Variants in CFAP54 observed in about 807,000 individuals in gnomAD.
CFAP54 encodes cilia and flagella associated protein 54, also known as cilia- and flagella-associated protein 54.
Under a neutral mutation model 370.4 loss-of-function variants are expected in CFAP54, and 290 were observed. That is an observed-to-expected ratio of 0.78 (90% confidence interval 0.71 to 0.86). The LOEUF is 0.86. Ranked by LOEUF, CFAP54 falls within the 40% of genes least tolerant of loss-of-function variation. The probability of loss-of-function intolerance (pLI) is 0.00; values close to 1 mark genes in which losing one functional copy is unlikely to be tolerated. For synonymous variants in CFAP54, 1,206 were observed against 1,236.5 expected (o/e 0.98, Z 0.52); for missense variants, 3,399 against 3,528.7 (o/e 0.96, Z 0.93).
At chr12:96,562,144 A>G (rs1350973030) in intron 17 of CFAP54, among the ~76,000 whole-genome samples, 3 of 151,940 alleles carry the variant, frequency 2.0e-5, no homozygotes, top group African/African-American at 7.3e-5. Flanking sequence ...CACCTTCTCC[A>G]TTTTTGTATT....
intron 19 of CFAP54, among the ~76,000 whole-genome samples, chr12:96,571,755 CT>C (rs59663930): frequency 0.32 from 49,058 of 151,798 alleles, 8,092 homozygotes; most frequent in South Asian, 0.39. Flanking sequence ...TGTTACTTCC[CT>C]TTTTTCTAGT....
chr12:96,675,635 A>ATAGC (rs1957197071), intron 39 of CFAP54, among the ~76,000 whole-genome samples: 1 of 152,224 alleles, frequency 6.6e-6, no homozygotes, highest in African/African-American at 2.4e-5. Flanking sequence ...AGACACATGC[A>ATAGC]TAAGTATGTT....
chr12:96,725,021 T>A (rs2136616328), intron 50 of CFAP54, among the ~76,000 whole-genome samples: 1 of 152,314 alleles, frequency 6.6e-6, no homozygotes, highest in South Asian at 2.1e-4. Flanking sequence ...CTCTGTTCTG[T>A]TCCATTGATC....
At chr12:96,864,297 C>T (rs1024840077) in intron 67 of CFAP54, among the ~76,000 whole-genome samples, 1 of 152,072 alleles carries the variant, frequency 6.6e-6, no homozygotes, top group African/African-American at 2.4e-5. Context: ...CAGGAAAGAG[C>T]GAAGAGAAGC....
At chr12:96,719,397 C>G (rs767760750) in intron 49 of CFAP54, among the ~76,000 whole-genome samples, 3 of 152,136 alleles carry the variant, frequency 2.0e-5, no homozygotes, top group Non-Finnish European at 4.4e-5. Context: ...TTTTTAGTGG[C>G]CTGTCACTTG....
chr12:96,645,588 G>GA (rs989109235), intron 33 of CFAP54: 2 of 152,562 alleles, frequency 1.3e-5, no homozygotes, highest in South Asian at 2.1e-4. Flanking sequence ...CACAGAATTG[G>GA]AAAAAAACTA....
chr12:96,570,740 A>G (rs1955909611), intron 19 of CFAP54, among the ~76,000 whole-genome samples: 1 of 152,152 alleles, frequency 6.6e-6, no homozygotes, highest in East Asian at 1.9e-4. Context: ...AATGTTAGCC[A>G]TTATTATTAT....
At chr12:96,691,007 A>G in intron 43 of CFAP54, 121 bp from the exon 44 acceptor site, 4 of 759,894 alleles carry the variant, frequency 5.3e-6, no homozygotes, top group Non-Finnish European at 8.4e-6. Flanking sequence ...TTTATTACAA[A>G]GTACAGTGTG....
Position 96,648,580 on chromosome 12 carries a change from C to CTTTTTTTTT in CFAP54, c.4690+582_4690+590dup, listed in dbSNP as rs11303164. On this transcript the variant is annotated intron_variant, in intron 34 of 67. Coordinates refer to ENST00000524981, the MANE Select transcript of CFAP54 (RefSeq NM_001306084.2). ...TAGAGACATGCAGGTAAACAGGGTT[C>CTTTTTTTTT]TTTTTTTTTTTTTTTTTTTTTTTTT... 3.7e-4 allele frequency among the ~76,000 whole-genome samples: 22 copies of CTTTTTTTTT among 58,684 alleles called. 1 individual carries two copies. Among genetic ancestry groups the CTTTTTTTTT allele is most frequent in the Non-Finnish European group, 5.9e-4 (20 of 33,830 alleles). The allele number at this position is 58,684 out of a possible 152,430, so 38.5% of individuals were successfully genotyped here. A position where few individuals can be genotyped will look rare whatever the true frequency, so the allele number is the denominator to read the frequency against.
chr12:96,731,616 G>A (rs1214028266), intron 50 of CFAP54, among the ~76,000 whole-genome samples: 5 of 152,158 alleles, frequency 3.3e-5, no homozygotes, highest in Admixed American at 6.5e-5. Context: ...GAGCCACCAC[G>A]AGCTTGACAA....
chr12:96,793,216 T>C (rs1217155270), intron 63 of CFAP54, among the ~76,000 whole-genome samples: 2 of 152,028 alleles, frequency 1.3e-5, no homozygotes, highest in African/African-American at 2.4e-5. Context: ...GCCCCCAAAA[T>C]CTATTGTATC....
At chr12:96,526,569 A>G (rs1955383720) in intron 8 of CFAP54, among the ~76,000 whole-genome samples, 1 of 152,222 alleles carries the variant, frequency 6.6e-6, no homozygotes, top group South Asian at 2.1e-4. Flanking sequence ...TGAATCTACA[A>G]AGCACCCCTG....
chr12:96,655,610 T>C (rs1394553655), intron 36 of CFAP54, among the ~76,000 whole-genome samples: 1 of 152,090 alleles, frequency 6.6e-6, no homozygotes, highest in African/African-American at 2.4e-5. Flanking sequence ...TAAATGAAAT[T>C]ACAGGAATAT....
chr12:96,793,092 T>C (rs1958719997), intron 63 of CFAP54, among the ~76,000 whole-genome samples: 1 of 152,082 alleles, frequency 6.6e-6, no homozygotes, highest in African/African-American at 2.4e-5. Flanking sequence ...GAACAGGTGG[T>C]TTTTGGTTAC....
intron 26 of CFAP54, among the ~76,000 whole-genome samples, chr12:96,603,250 A>T (rs1374706306): frequency 6.6e-6 from 1 of 152,166 alleles, no homozygotes; most frequent in Non-Finnish European, 1.5e-5. Context: ...TCTGGTTTGA[A>T]AATTCTTTTC....
intron 65 of CFAP54, among the ~76,000 whole-genome samples, chr12:96,828,421 A>G (rs1317025537): frequency 1.3e-5 from 2 of 151,946 alleles, no homozygotes; most frequent in South Asian, 2.1e-4. Context: ...CTTCTCCCAC[A>G]TTGGCCTAAT....
chr12:96,621,941 G>A (rs1314712033), intron 27 of CFAP54, among the ~76,000 whole-genome samples: 1 of 111,620 alleles, frequency 9.0e-6, no homozygotes, highest in African/African-American at 3.5e-5. Flanking sequence ...AGGAATCTCT[G>A]CTAGCATGCT....
intron 65 of CFAP54, among the ~76,000 whole-genome samples, chr12:96,821,190 A>G (rs983962780): frequency 8.5e-5 from 13 of 152,144 alleles, no homozygotes; most frequent in African/African-American, 2.4e-4. Context: ...AGAGTCACCA[A>G]AACATCCTTG....
At chr12:96,585,106 C>T (rs1341631814) in intron 22 of CFAP54, among the ~76,000 whole-genome samples, 3 of 150,646 alleles carry the variant, frequency 2.0e-5, no homozygotes, top group Non-Finnish European at 4.4e-5. Context: ...ATCTCATTTT[C>T]GATGTTTGAC....
Sources: gnomAD v4.1 joint callset for allele counts (sites outside exome capture counted in the v4.1 genomes callset) on GRCh38, gnomAD v4.1.1 for gene constraint, MANE v1.5 for transcripts, NCBI Gene and HGNC (gene_info 2026-07-23, HGNC 2026-07-21) for gene names.